Variants in DPYD observed in about 807,000 individuals in gnomAD.
DPYD encodes the protein dihydropyrimidine dehydrogenase.
In DPYD, 109 loss-of-function variants were observed where a neutral mutation model predicts 116.2. The ratio of observed to expected loss-of-function variants is 0.94; its 90% CI spans 0.80 to 1.10. The LOEUF (loss-of-function observed/expected upper bound fraction) is 1.10, where lower values mean the gene tolerates loss of function less well. Among genes scored for constraint, DPYD ranks in the 50% least tolerant of loss-of-function variants. DPYD has a pLI of 0.00. For synonymous variants in DPYD, 440 were observed against 432.0 expected (o/e 1.02, Z -0.23); for missense variants, 1,302 against 1,254.5 (o/e 1.04, Z -0.57).
At chr1:97,280,992 C>T (rs1014075224) in intron 18 of DPYD, among the ~76,000 whole-genome samples, 11 of 152,056 alleles carry the variant, frequency 7.2e-5, no homozygotes, top group African/African-American at 2.2e-4. Flanking sequence ...CATCACTACA[C>T]ACCCCATAAA....
At chr1:97,392,620 A>G (rs1672770368) in intron 14 of DPYD, among the ~76,000 whole-genome samples, 1 of 152,048 alleles carries the variant, frequency 6.6e-6, no homozygotes, top group East Asian at 1.9e-4. Context: ...GCTTTATCAA[A>G]TAGGTTTATG....
chr1:97,124,625 C>T (rs1375764851), intron 20 of DPYD, among the ~76,000 whole-genome samples: 1 of 152,038 alleles, frequency 6.6e-6, no homozygotes, highest in African/African-American at 2.4e-5. Context: ...TTTAACCTTC[C>T]TATTTGGCCA....
chr1:97,692,841 T>A (rs867991813), intron 6 of DPYD, among the ~76,000 whole-genome samples: 1 of 152,276 alleles, frequency 6.6e-6, no homozygotes, highest in East Asian at 1.9e-4. Context: ...ATTATAGAGA[T>A]TAATTTGGAA....
At chr1:97,685,314 C>T (rs982164625) in intron 7 of DPYD, among the ~76,000 whole-genome samples, 2 of 152,098 alleles carry the variant, frequency 1.3e-5, no homozygotes, top group African/African-American at 4.8e-5. Context: ...AAAAAATTCT[C>T]AATAAACTAG....
intron 10 of DPYD, among the ~76,000 whole-genome samples, chr1:97,587,822 T>G (rs1571012390): frequency 9.2e-6 from 1 of 109,198 alleles, no homozygotes; most frequent in Non-Finnish European, 1.8e-5. Context: ...AGACTCCATC[T>G]CCAAAAAAAA....
chr1:97,426,289 G>A (rs1674860905), intron 14 of DPYD, among the ~76,000 whole-genome samples: 1 of 152,044 alleles, frequency 6.6e-6, no homozygotes, highest in Non-Finnish European at 1.5e-5. Flanking sequence ...GGAAAAGAAG[G>A]GCAGGAGCTG....
chr1:97,889,245 A>G (rs2101655997), intron 1 of DPYD, among the ~76,000 whole-genome samples: 1 of 152,190 alleles, frequency 6.6e-6, no homozygotes, highest in South Asian at 2.1e-4. Flanking sequence ...AGTAACCATA[A>G]CTTACTATTC....
chr1:97,614,174 T>C (rs1031256175), intron 8 of DPYD, among the ~76,000 whole-genome samples: 1 of 151,916 alleles, frequency 6.6e-6, no homozygotes, highest in African/African-American at 2.4e-5. Flanking sequence ...TCAAACAGAA[T>C]CCCTACAAAA....
chr1:97,398,305 C>T (rs1460831974), intron 14 of DPYD, among the ~76,000 whole-genome samples: 1 of 152,102 alleles, frequency 6.6e-6, no homozygotes, highest in Non-Finnish European at 1.5e-5. Context: ...CATAGTATTG[C>T]ATGGTGTATA....
chr1:97,430,365 C>G (rs2101727298), intron 14 of DPYD, among the ~76,000 whole-genome samples: 1 of 152,258 alleles, frequency 6.6e-6, no homozygotes, highest in East Asian at 1.9e-4. Context: ...TTCCGCCTAA[C>G]AAGGCCTACG....
At chr1:97,695,600 T>C (rs1186378801) in intron 6 of DPYD, among the ~76,000 whole-genome samples, 1 of 151,074 alleles carries the variant, frequency 6.6e-6, no homozygotes, top group African/African-American at 2.4e-5. Context: ...TCGATATATA[T>C]ATATACTGAA....
chr1:97,150,171 G>A (rs891380824), intron 20 of DPYD, among the ~76,000 whole-genome samples: 2 of 151,768 alleles, frequency 1.3e-5, no homozygotes, highest in Non-Finnish European at 2.9e-5. Flanking sequence ...CTCACAGAAC[G>A]CTTCCCTGAT....
rs528242637 is a variant in DPYD at position 97,854,334 on chromosome 1, T to C, written c.151-26138A>G. 2.0e-5 allele frequency among the ~76,000 whole-genome samples: 3 copies of C among 152,314 alleles called. No individual in the cohort carries two copies. The South Asian group carries it at 6.2e-4, about 32-fold the overall frequency. On this transcript the variant is annotated intron_variant, in intron 2 of 22. Transcript: ENST00000370192. ...AGCATCTTTAATATCATACATCAAT[T>C]TCCAAAAGTTTATTTAGCTTACTGC...
chr1:97,359,120 G>A (rs1401283001), intron 16 of DPYD, among the ~76,000 whole-genome samples: 1 of 152,070 alleles, frequency 6.6e-6, no homozygotes, highest in African/African-American at 2.4e-5. Flanking sequence ...AAACTTAAAT[G>A]ACCTGATGGA....
Position 97,534,718 on chromosome 1 carries a change from C to G in DPYD, c.1524+14842G>C, listed in dbSNP as rs1484439173. ...CTTTTAAATCCAGTTCCTCAGCTTC[C>G]TAACTCATGGCCAACTACATCTTAA... On this transcript the variant is annotated intron_variant, in intron 12 of 22. Transcript: ENST00000370192. 2.0e-5 allele frequency among the ~76,000 whole-genome samples: 3 copies of G among 152,008 alleles called. No homozygotes were observed. In the East Asian group the frequency reaches 5.8e-4, roughly 29 times the overall value.
chr1:97,648,287 T>A (rs1363419706), intron 8 of DPYD, among the ~76,000 whole-genome samples: 1 of 151,980 alleles, frequency 6.6e-6, no homozygotes, highest in Non-Finnish European at 1.5e-5. Context: ...GAAATCACTC[T>A]GGGGCTTAGA....
chr1:97,177,566 CT>C (rs77118571), intron 20 of DPYD, among the ~76,000 whole-genome samples: 2,566 of 134,926 alleles, frequency 0.019, 38 homozygotes, highest in East Asian at 0.1. Flanking sequence ...TTCTTTCTTT[CT>C]TTTTTTTTTT....
intron 21 of DPYD, among the ~76,000 whole-genome samples, chr1:97,093,193 T>TG (rs1557858383): frequency 6.6e-6 from 1 of 152,204 alleles, no homozygotes; most frequent in Non-Finnish European, 1.5e-5. Context: ...CCTTAATATC[T>TG]GTCTCTTTCT....
At chr1:97,247,969 T>A (rs1360269828) in intron 18 of DPYD, among the ~76,000 whole-genome samples, 2 of 152,202 alleles carry the variant, frequency 1.3e-5, no homozygotes, top group East Asian at 3.8e-4. Context: ...CAAACTCTTG[T>A]AGAAGATAGA....
Sources: gnomAD v4.1 joint callset for allele counts (sites outside exome capture counted in the v4.1 genomes callset) on GRCh38, gnomAD v4.1.1 for gene constraint, MANE v1.5 for transcripts, NCBI Gene and HGNC (gene_info 2026-07-23, HGNC 2026-07-21) for gene names.